The following OPCML variants were observed in gnomAD, a reference collection of about 807,000 sequenced individuals.
OPCML encodes the protein opioid-binding protein/cell adhesion molecule.
OPCML carries 13 observed loss-of-function variants against 37.8 expected under a neutral mutation model. The ratio of observed to expected loss-of-function variants is 0.34; its 90% CI spans 0.22 to 0.55. The LOEUF (loss-of-function observed/expected upper bound fraction) is 0.55, where lower values mean the gene tolerates loss of function less well. Among genes scored for constraint, OPCML ranks in the 20% least tolerant of loss-of-function variants. The pLI, the probability that OPCML is intolerant of heterozygous loss-of-function variation, is 0.91. For synonymous variants in OPCML, 176 were observed against 168.8 expected (o/e 1.04, Z -0.33); for missense variants, 341 against 435.6 (o/e 0.78, Z 1.93).
intron 1 of OPCML, among the ~76,000 whole-genome samples, chr11:132,990,165 G>A (rs1946750224): frequency 6.6e-6 from 1 of 152,164 alleles, no homozygotes; most frequent in East Asian, 1.9e-4. Context: ...GGTCATTCCA[G>A]AAAGATGCTT....
intron 3 of OPCML, among the ~76,000 whole-genome samples, chr11:132,547,956 G>A (rs1430304887): frequency 1.3e-5 from 2 of 152,198 alleles, no homozygotes; most frequent in South Asian, 2.1e-4. Context: ...GTAAAAATGA[G>A]AGCTTAGACC....
intron 1 of OPCML, among the ~76,000 whole-genome samples, chr11:133,252,908 G>A (rs961540730): frequency 2.0e-5 from 3 of 152,130 alleles, no homozygotes; most frequent in African/African-American, 4.8e-5. Flanking sequence ...AGCACTTTGG[G>A]AGGCCAAGGC....
intron 2 of OPCML, among the ~76,000 whole-genome samples, chr11:132,867,455 G>T (rs537415731): frequency 2.6e-5 from 4 of 152,158 alleles, no homozygotes; most frequent in Non-Finnish European, 2.9e-5. Flanking sequence ...GAAATAAAAT[G>T]TTTGTTTTGT....
intron 2 of OPCML, among the ~76,000 whole-genome samples, chr11:132,844,666 G>T (rs1294566997): frequency 6.6e-6 from 1 of 152,158 alleles, no homozygotes; most frequent in Non-Finnish European, 1.5e-5. Context: ...TTTAGGCTTT[G>T]CAGGCTATAT....
intron 2 of OPCML, among the ~76,000 whole-genome samples, chr11:132,692,259 C>T (rs1384034860): frequency 6.6e-6 from 1 of 151,300 alleles, no homozygotes; most frequent in African/African-American, 2.4e-5. Flanking sequence ...AGCTGTTGTT[C>T]ACAAAGAAAG....
intron 1 of OPCML, among the ~76,000 whole-genome samples, chr11:133,055,625 T>C (rs564144375): frequency 2.1e-3 from 319 of 149,078 alleles, no homozygotes; most frequent in African/African-American, 5.7e-3. Context: ...TCCATGATAC[T>C]TCCAAGTGGT....
chr11:132,426,279 C>T (rs1169018087), intron 7 of OPCML, among the ~76,000 whole-genome samples: 1 of 152,170 alleles, frequency 6.6e-6, no homozygotes, highest in African/African-American at 2.4e-5. Flanking sequence ...TTTGTGTGGA[C>T]ATTATGGCCA....
chr11:133,062,896 G>A (rs924015479), intron 1 of OPCML, among the ~76,000 whole-genome samples: 1 of 152,250 alleles, frequency 6.6e-6, no homozygotes. Flanking sequence ...CAGCACTGCT[G>A]CATGCAGCCA....
intron 5 of OPCML, 36 bp downstream of exon 5, chr11:132,437,185 CT>C: frequency 1.9e-6 from 3 of 1,604,938 alleles, no homozygotes; most frequent in Middle Eastern, 1.7e-4. Flanking sequence ...CCTGTGCCGT[CT>C]TTTCCCCAGA....
At chr11:132,897,578 GA>G (rs1943897684) in intron 2 of OPCML, among the ~76,000 whole-genome samples, 1 of 152,216 alleles carries the variant, frequency 6.6e-6, no homozygotes, top group Admixed American at 6.5e-5. Context: ...CAGAGGAAGA[GA>G]AAAATCGGGC....
At chr11:132,712,647 G>A (rs1944314908) in intron 2 of OPCML, among the ~76,000 whole-genome samples, 1 of 152,174 alleles carries the variant, frequency 6.6e-6, no homozygotes. Context: ...GGTTCATCAC[G>A]TTTCATTCGC....
chr11:132,683,922 C>T (rs1943058598), intron 2 of OPCML, among the ~76,000 whole-genome samples: 1 of 152,128 alleles, frequency 6.6e-6, no homozygotes, highest in African/African-American at 2.4e-5. Flanking sequence ...ATACCTCTAG[C>T]TACTATTAAC....
At chr11:132,744,898 G>A (rs768271420) in intron 2 of OPCML, among the ~76,000 whole-genome samples, 2 of 152,142 alleles carry the variant, frequency 1.3e-5, no homozygotes, top group Non-Finnish European at 2.9e-5. Context: ...GCTCGAGGAA[G>A]TGAACGAGCT....
chr11:133,276,602 G>A (rs1197589151), intron 1 of OPCML, among the ~76,000 whole-genome samples: 1 of 152,166 alleles, frequency 6.6e-6, no homozygotes, highest in Admixed American at 6.5e-5. Flanking sequence ...CTGACATGCT[G>A]TACAAATAAA....
chr11:133,353,553 G>T (rs1046360112), intron 1 of OPCML, among the ~76,000 whole-genome samples: 1 of 152,150 alleles, frequency 6.6e-6, no homozygotes, highest in African/African-American at 2.4e-5. Flanking sequence ...ATGTTGATGG[G>T]GGCCACAGAA....
chr11:133,373,876 C>T (rs1295266369), intron 1 of OPCML, among the ~76,000 whole-genome samples: 2 of 152,064 alleles, frequency 1.3e-5, no homozygotes, highest in African/African-American at 4.8e-5. Context: ...CCATCATATG[C>T]ATGTATCATA....
chr11:133,158,735 A>G lies in OPCML; in HGVS notation c.62-215725T>C, dbSNP rs570460227. On this transcript the variant is annotated intron_variant, in intron 1 of 7. Transcript: ENST00000524381. ...AAAAAAATAAAATAAAATAAAATAA[A>G]ATAAAATAAAATAAAATAAAATGAA... Among the ~76,000 whole-genome samples, 28 of 150,068 alleles carry G rather than the reference A, an allele frequency of 1.9e-4. 1 individual carries two copies. The South Asian group carries it at 5.0e-3, about 27-fold the overall frequency.
chr11:132,564,980 G>A (rs2096419021), intron 3 of OPCML, among the ~76,000 whole-genome samples: 2 of 152,268 alleles, frequency 1.3e-5, no homozygotes, highest in South Asian at 4.1e-4. Context: ...AACAACAATG[G>A]CAAATCTCAC....
chr11:133,310,875 T>C (rs1290250209), intron 1 of OPCML, among the ~76,000 whole-genome samples: 2 of 152,226 alleles, frequency 1.3e-5, no homozygotes, highest in Non-Finnish European at 2.9e-5. Context: ...GCAAATATTC[T>C]GCTAACATAC....
Sources: gnomAD v4.1 joint callset for allele counts (sites outside exome capture counted in the v4.1 genomes callset) on GRCh38, gnomAD v4.1.1 for gene constraint, MANE v1.5 for transcripts, NCBI Gene and HGNC (gene_info 2026-07-23, HGNC 2026-07-21) for gene names.